LUZP2: variants seen among roughly 807,000 people sequenced by gnomAD.
The protein encoded by LUZP2 is leucine zipper protein 2.
Under a neutral mutation model 51.6 loss-of-function variants are expected in LUZP2, and 52 were observed. That is an observed-to-expected ratio of 1.01 (90% CI 0.81 to 1.27). LUZP2 has a LOEUF of 1.27. LUZP2 is among the 50% of genes most tolerant of loss of function. The pLI is 0.00. For missense variants in LUZP2, 436 were observed against 395.4 expected, an observed-to-expected ratio of 1.10 and a Z score of -0.87; for synonymous variants, 154 against 137.3, an observed-to-expected ratio of 1.12 and a Z score of -0.85.
chr11:24,503,338 G>A (rs555177968), intron 1 of LUZP2, among the ~76,000 whole-genome samples: 11 of 152,088 alleles, frequency 7.2e-5, no homozygotes, highest in Non-Finnish European at 1.6e-4. Context: ...GTAATTTACC[G>A]CTAAGAGTAG....
chr11:24,585,983 C>A (rs1853051516), intron 1 of LUZP2, among the ~76,000 whole-genome samples: 1 of 152,000 alleles, frequency 6.6e-6, no homozygotes. Flanking sequence ...TTGATCTATA[C>A]CTTTTCCATG....
chr11:24,679,288 G>A (rs1856661673), intron 1 of LUZP2, among the ~76,000 whole-genome samples: 1 of 151,996 alleles, frequency 6.6e-6, no homozygotes, highest in Non-Finnish European at 1.5e-5. Context: ...GACATGTTAG[G>A]TATTCAACAC....
chr11:24,884,459 A>C (rs1448623399), intron 5 of LUZP2, among the ~76,000 whole-genome samples: 2 of 152,038 alleles, frequency 1.3e-5, no homozygotes, highest in Non-Finnish European at 2.9e-5. Context: ...TTCGACACCT[A>C]GTCATTTTTT....
At chr11:25,038,201 T>G (rs1376808662) in intron 9 of LUZP2, among the ~76,000 whole-genome samples, 1 of 152,158 alleles carries the variant, frequency 6.6e-6, no homozygotes, top group Non-Finnish European at 1.5e-5. Flanking sequence ...TATTATCCAT[T>G]TTTTAAATTC....
intron 1 of LUZP2, chr11:24,701,578 T>C (rs1287930999): frequency 6.5e-6 from 1 of 154,216 alleles, no homozygotes; most frequent in Non-Finnish European, 1.5e-5. Flanking sequence ...TGATTAATAT[T>C]ATACATAGTG....
intron 5 of LUZP2, among the ~76,000 whole-genome samples, chr11:24,798,139 TATTTA>T (rs1255666921): frequency 6.6e-6 from 1 of 152,176 alleles, no homozygotes; most frequent in Non-Finnish European, 1.5e-5. Flanking sequence ...CTTGCTTATT[TATTTA>T]TTTAAAATTT....
intron 5 of LUZP2, among the ~76,000 whole-genome samples, chr11:24,778,827 A>AT (rs960534179): frequency 2.6e-5 from 4 of 152,152 alleles, no homozygotes; most frequent in Non-Finnish European, 4.4e-5. Context: ...GATCCCCATG[A>AT]TTTTTTAATT....
At chr11:24,772,916 C>T (rs1043776608) in intron 5 of LUZP2, among the ~76,000 whole-genome samples, 1 of 152,114 alleles carries the variant, frequency 6.6e-6, no homozygotes, top group Non-Finnish European at 1.5e-5. Flanking sequence ...AGATTTTGAA[C>T]CCACTCTAAT....
At chr11:24,637,541 G>A (rs1855146436) in intron 1 of LUZP2, among the ~76,000 whole-genome samples, 1 of 151,868 alleles carries the variant, frequency 6.6e-6, no homozygotes, top group African/African-American at 2.4e-5. Flanking sequence ...AAGCGAGTAG[G>A]AGAGATATTG....
chr11:25,078,701 T>C lies in LUZP2; in HGVS notation c.*43T>C. The stretch of plus-strand genomic sequence containing the variant: ...TAAAAACGTCCATTTGCTATTGTCT[T>C]CATATTCTTTTTAGACCACAAGCTT... On this transcript the variant is annotated 3_prime_UTR_variant, in exon 12 of 12. Transcript: ENST00000336930. 7.0e-7 allele frequency: 1 copy of C among 1,422,614 alleles called. No homozygotes were observed. The highest frequency in any genetic ancestry group is 1.4e-5 in the African/African-American group (1 of 69,624). 88.1% of individuals were successfully genotyped at this position (1,422,614 alleles called of 1,614,324 possible).
At chr11:24,706,202 A>G (rs1440680160) in intron 1 of LUZP2, among the ~76,000 whole-genome samples, 2 of 152,226 alleles carry the variant, frequency 1.3e-5, no homozygotes, top group Admixed American at 6.5e-5. Context: ...AATAATGAAG[A>G]TGATAATTTC....
chr11:25,066,119 G>T (rs995745944), intron 10 of LUZP2, among the ~76,000 whole-genome samples: 2 of 151,618 alleles, frequency 1.3e-5, no homozygotes, highest in African/African-American at 4.8e-5. Context: ...AGCTAGTTCA[G>T]AGTGTTATAC....
chr11:24,614,955 A>G (rs10834405), intron 1 of LUZP2, among the ~76,000 whole-genome samples: 20,493 of 152,004 alleles, frequency 0.13, 1,756 homozygotes, highest in East Asian at 0.24. Context: ...AGAGATTTAT[A>G]TGTTAAACCT....
At chr11:24,557,407 C>T (rs952526231) in intron 1 of LUZP2, among the ~76,000 whole-genome samples, 1 of 151,892 alleles carries the variant, frequency 6.6e-6, no homozygotes, top group Non-Finnish European at 1.5e-5. Flanking sequence ...AAATTATTGC[C>T]ATATGTACAG....
chr11:24,865,271 A>G (rs1851857109), intron 5 of LUZP2, among the ~76,000 whole-genome samples: 1 of 152,204 alleles, frequency 6.6e-6, no homozygotes, highest in South Asian at 2.1e-4. Flanking sequence ...TAGCATTTGG[A>G]AAGTGCTTAG....
chr11:24,837,340 G>A (rs1471884160), intron 5 of LUZP2, among the ~76,000 whole-genome samples: 1 of 151,634 alleles, frequency 6.6e-6, no homozygotes, highest in African/African-American at 2.4e-5. Flanking sequence ...TGAATAGGAT[G>A]TTGTCCAAAG....
At chr11:24,640,917 G>C (rs1310771186) in intron 1 of LUZP2, among the ~76,000 whole-genome samples, 1 of 151,066 alleles carries the variant, frequency 6.6e-6, no homozygotes, top group African/African-American at 2.5e-5. Context: ...GTACTACAAA[G>C]TTTTAATATA....
At position 24,549,999 on chromosome 11, in the gene LUZP2, C is replaced by T. The variant is rs1419247170; in HGVS notation, c.62+52694C>T. Among the ~76,000 whole-genome samples, 3 of 152,030 alleles carry T rather than the reference C, an allele frequency of 2.0e-5. No individual in the cohort carries two copies. The East Asian group carries it at 5.8e-4, about 29-fold the overall frequency. ...GTACATATCAACAGGAGAAAACCCA[C>T]CACCCTCTTCTGAAATGGAATTCTA... is the stretch of plus-strand genomic sequence containing the variant. On this transcript the variant is annotated intron_variant, in intron 1 of 11. Coordinates refer to ENST00000336930, the MANE Select transcript of LUZP2 (RefSeq NM_001009909.4).
chr11:24,998,179 G>A (rs1422040173), intron 9 of LUZP2, among the ~76,000 whole-genome samples: 2 of 152,040 alleles, frequency 1.3e-5, no homozygotes, highest in Non-Finnish European at 2.9e-5. Context: ...AACTTGATGG[G>A]GATGGCATTG....
Sources: gnomAD v4.1 joint callset for allele counts (sites outside exome capture counted in the v4.1 genomes callset) on GRCh38, gnomAD v4.1.1 for gene constraint, MANE v1.5 for transcripts, NCBI Gene and HGNC (gene_info 2026-07-23, HGNC 2026-07-21) for gene names.